The following CAMTA1 variants were observed in gnomAD, a reference collection of about 807,000 sequenced individuals.
CAMTA1 encodes the protein calmodulin-binding transcription activator 1.
CAMTA1 carries 27 observed loss-of-function variants against 170.9 expected under a neutral mutation model. The observed-to-expected ratio is 0.16, with a 90% CI of 0.12 to 0.22. The LOEUF (loss-of-function observed/expected upper bound fraction) is 0.22. Among genes scored for constraint, CAMTA1 ranks in the 10% least tolerant of loss-of-function variants. CAMTA1 has a pLI of 1.00. For synonymous variants in CAMTA1, 833 were observed against 891.5 expected (o/e 0.93, Z 1.17); for missense variants, 1,619 against 2,217.2 (o/e 0.73, Z 5.42).
At chr1:7,632,597 C>T (rs144794444) in intron 6 of CAMTA1, among the ~76,000 whole-genome samples, 144 of 152,382 alleles carry the variant, frequency 9.4e-4, no homozygotes, top group Middle Eastern at 3.4e-3. Context: ...CTTGCATCAC[C>T]ACCCTGCTTA....
chr1:7,166,534 C>T (rs1648474673), intron 4 of CAMTA1, among the ~76,000 whole-genome samples: 1 of 152,142 alleles, frequency 6.6e-6, no homozygotes, highest in South Asian at 2.1e-4. Flanking sequence ...CAGACTTTGT[C>T]TTCATTTCTA....
At chr1:7,393,259 TC>T (rs1266278251) in intron 5 of CAMTA1, among the ~76,000 whole-genome samples, 1 of 152,032 alleles carries the variant, frequency 6.6e-6, no homozygotes, top group African/African-American at 2.4e-5. Context: ...GGTCTGTTTT[TC>T]ATTTTTGTTT....
chr1:6,809,870 G>A (rs934705536), intron 1 of CAMTA1, among the ~76,000 whole-genome samples: 4 of 152,150 alleles, frequency 2.6e-5, no homozygotes, highest in African/African-American at 9.7e-5. Context: ...GAAGACTAAG[G>A]AAGGGTATTG....
At position 7,532,260 on chromosome 1, in the gene CAMTA1, C is replaced by T; in HGVS notation, c.510+64359C>T. ...ACTAGTGCCCTCAAGTCAGGACTGC[C>T]ACTCACCCTCCGAGGTGGCCATCTT... On this transcript the variant is annotated intron_variant, in intron 6 of 22. Coordinates refer to ENST00000303635, the MANE Select transcript of CAMTA1 (RefSeq NM_015215.4). The surrounding 1 kb of genome is among the most constrained non-coding windows in gnomAD (Gnocchi z 4.2). 6.6e-6 allele frequency among the ~76,000 whole-genome samples: 1 copy of T among 152,170 alleles called. No individual in the cohort carries two copies.
Position 7,609,138 on chromosome 1 carries a change from C to T in CAMTA1, c.511-31262C>T, listed in dbSNP as rs376091589. ...GGACATTCTGGCCCCTTCCCACTAC[C>T]GGCCTAGCCCTGCCGCCTGTGCCTT... On this transcript the variant is annotated intron_variant, in intron 6 of 22. Coordinates refer to ENST00000303635, the MANE Select transcript of CAMTA1 (RefSeq NM_015215.4). The surrounding 1 kb of genome is among the most constrained non-coding windows in gnomAD (Gnocchi z 4.4). Among the ~76,000 whole-genome samples the T allele has an allele frequency of 5.3e-5, 8 of 152,270 alleles. No individual in the cohort carries two copies. The highest frequency in any genetic ancestry group is 1.2e-4 in the African/African-American group (5 of 41,574).
At position 7,232,840 on chromosome 1, in the gene CAMTA1, C is replaced by T. The variant is rs116058177; in HGVS notation, c.303-16651C>T. ...TCATCCGAATGGCTCCATTGATTGG[C>T]CTTTCGCGTGCAGCCTTATTCCCTT... On this transcript the variant is annotated intron_variant, in intron 4 of 22. Coordinates refer to ENST00000303635, the MANE Select transcript of CAMTA1 (RefSeq NM_015215.4). Among the ~76,000 whole-genome samples, 986 of 152,244 alleles carry T rather than the reference C, an allele frequency of 6.5e-3. 6 individuals are homozygous for T. The highest frequency in any genetic ancestry group is 0.023 in the African/African-American group (945 of 41,542).
At chr1:7,145,182 G>A (rs1004924369) in intron 4 of CAMTA1, among the ~76,000 whole-genome samples, 3 of 152,222 alleles carry the variant, frequency 2.0e-5, no homozygotes, top group Non-Finnish European at 4.4e-5. Flanking sequence ...CCCAAGGGGT[G>A]GAGATGCCGC....
At chr1:7,458,727 G>C (rs1315855909) in intron 5 of CAMTA1, among the ~76,000 whole-genome samples, 1 of 152,240 alleles carries the variant, frequency 6.6e-6, no homozygotes, top group African/African-American at 2.4e-5. Context: ...CCCTCTTGCT[G>C]TCTGGCCTCA....
At chr1:7,029,488 C>CAAAAAAAA (rs55736306) in intron 3 of CAMTA1, among the ~76,000 whole-genome samples, 1 of 63,824 alleles carries the variant, frequency 1.6e-5, no homozygotes. Flanking sequence ...GACTCTGTCT[C>CAAAAAAAA]AAAAAAAAAA....
intron 6 of CAMTA1, among the ~76,000 whole-genome samples, chr1:7,568,837 T>C (rs540613653): frequency 6.8e-6 from 1 of 146,512 alleles, no homozygotes; most frequent in South Asian, 2.2e-4. Context: ...CAAATCACCA[T>C]CATCATCATC....
At chr1:6,997,209 C>T (rs189546887) in intron 3 of CAMTA1, among the ~76,000 whole-genome samples, 6 of 152,146 alleles carry the variant, frequency 3.9e-5, no homozygotes, top group Admixed American at 2.6e-4. Context: ...ACGAATTTTC[C>T]GTGTATTTAT....
chr1:7,186,649 G>A (rs907735210), intron 4 of CAMTA1, among the ~76,000 whole-genome samples: 2 of 152,214 alleles, frequency 1.3e-5, no homozygotes, highest in East Asian at 3.8e-4. Flanking sequence ...GCCGGGGCTG[G>A]TTGGGGGGAG....
At chr1:7,047,847 C>T (rs1705660316) in intron 3 of CAMTA1, among the ~76,000 whole-genome samples, 1 of 152,054 alleles carries the variant, frequency 6.6e-6, no homozygotes, top group African/African-American at 2.4e-5. Flanking sequence ...GGATGTCATC[C>T]ACCCAGGCTG....
At chr1:7,252,805 C>T (rs74051688) in intron 5 of CAMTA1, among the ~76,000 whole-genome samples, 3,406 of 152,278 alleles carry the variant, frequency 0.022, 112 homozygotes, top group African/African-American at 0.077. Flanking sequence ...ATATTTGGAT[C>T]TACCGTTTAA....
At chr1:7,418,430 C>T (rs867059412) in intron 5 of CAMTA1, among the ~76,000 whole-genome samples, 1 of 152,138 alleles carries the variant, frequency 6.6e-6, no homozygotes, top group African/African-American at 2.4e-5. Context: ...AACTCTTGAC[C>T]TCAGGTGGTC....
intron 5 of CAMTA1, among the ~76,000 whole-genome samples, chr1:7,448,823 G>A (rs577094260): frequency 5.3e-5 from 8 of 152,142 alleles, no homozygotes; most frequent in East Asian, 1.9e-4. Context: ...CCATCTCCTC[G>A]GGGTCAGGAT....
chr1:7,075,242 G>A (rs1639140935), intron 3 of CAMTA1, among the ~76,000 whole-genome samples: 1 of 152,124 alleles, frequency 6.6e-6, no homozygotes, highest in Non-Finnish European at 1.5e-5. Flanking sequence ...CTAGAGCAAT[G>A]GTTTGCCAAA....
Position 7,443,154 on chromosome 1 carries a change from G to A in CAMTA1, c.439-24676G>A, listed in dbSNP as rs963950558. 3.9e-5 allele frequency among the ~76,000 whole-genome samples: 6 copies of A among 152,200 alleles called. No homozygotes were observed. The highest frequency in any genetic ancestry group is 1.4e-4 in the African/African-American group (6 of 41,448). On this transcript the variant is annotated intron_variant, in intron 5 of 22. Coordinates refer to ENST00000303635, the MANE Select transcript of CAMTA1 (RefSeq NM_015215.4). The surrounding 1 kb of genome is among the most constrained non-coding windows in gnomAD (Gnocchi z 4.1). ...ACCCAAGTCAAAGCCCTGGATGACG[G>A]CTGCAAAGCATAAGGCTTCGGGTTC...
At chr1:7,612,569 C>T (rs761453725) in intron 6 of CAMTA1, among the ~76,000 whole-genome samples, 15 of 152,120 alleles carry the variant, frequency 9.9e-5, no homozygotes, top group East Asian at 5.8e-4. Flanking sequence ...GGCTTGAGGG[C>T]GGGGCCTTTG....
Sources: allele counts gnomAD v4.1 joint callset (sites outside exome capture counted in the v4.1 genomes callset), GRCh38; gene constraint gnomAD v4.1.1; non-coding constraint Gnocchi (gnomAD v3.1); transcripts MANE v1.5; gene names NCBI Gene and HGNC (gene_info 2026-07-23, HGNC 2026-07-21).